Variants in SMAD5 observed in about 807,000 individuals in gnomAD.
SMAD5 encodes the protein MAD, mothers against decapentaplegic homolog 5.
A neutral mutation model predicts 43.1 loss-of-function variants in SMAD5; 9 were observed. That is an observed-to-expected ratio of 0.21 (90% CI 0.13 to 0.36). The LOEUF is 0.36. Among genes scored for constraint, SMAD5 ranks in the 10% least tolerant of loss-of-function variants. SMAD5 has a pLI of 1.00. For missense variants in SMAD5, 348 were observed against 574.0 expected (o/e 0.61, Z 4.02); for synonymous variants, 190 against 192.4 (o/e 0.99, Z 0.10).
chr5:136,171,602 C>T (rs953464382), intron 5 of SMAD5, among the ~76,000 whole-genome samples: 4 of 152,138 alleles, frequency 2.6e-5, no homozygotes, highest in Non-Finnish European at 5.9e-5. Context: ...GGAATGGGAA[C>T]GTCTATCCTG....
rs144973839 is a variant in SMAD5 at position 136,164,183 on chromosome 5, G to A, written c.775+792G>A. ...TGCACTCCAGTCTGAGCAACAGAGCGAGGCTCCATCTCAAAAAAACAAACA... is the reference window on the plus strand; with the variant it reads ...TGCACTCCAGTCTGAGCAACAGAGCAAGGCTCCATCTCAAAAAAACAAACA... On this transcript the variant is annotated intron_variant, in intron 5 of 7. Coordinates refer to ENST00000545279, the MANE Select transcript of SMAD5 (RefSeq NM_005903.7). Among the ~76,000 whole-genome samples the A allele has an allele frequency of 5.3e-3, 810 of 152,228 alleles. 9 individuals are homozygous for A. Among genetic ancestry groups the A allele is most frequent in the African/African-American group, 0.018 (750 of 41,510 alleles).
chr5:136,139,696 G>T (rs996980169), intron 1 of SMAD5, among the ~76,000 whole-genome samples: 3 of 151,894 alleles, frequency 2.0e-5, no homozygotes, highest in Non-Finnish European at 4.4e-5. Context: ...TACCAGCCAG[G>T]ATTTATTTAT....
In SMAD5 at chr5:136,160,982, T is replaced by A; in HGVS notation, c.530T>A (p.Phe177Tyr). Residue 177 changes from phenylalanine (F) to tyrosine (Y), a missense_variant, in exon 4 of 8, where the codon TTC (phenylalanine) becomes TAC (tyrosine). This residue lies in a region of SMAD5 where 185 missense variants were observed against 207.0 expected (regional missense o/e 0.89). Coordinates refer to ENST00000545279, the MANE Select transcript of SMAD5 (RefSeq NM_005903.7). ...CAAAATGCCACGTTTCCAGATTCTT[T>A]CCACCAGCCCAACAACACTCCTTTT... ...MPQNATFPDSFHQPNNTPFPL... is the reference protein window; with the variant it reads ...MPQNATFPDSYHQPNNTPFPL... The A allele has an allele frequency of 6.2e-7, 1 of 1,613,936 alleles. No homozygotes were observed. The highest frequency in any genetic ancestry group is 8.5e-7 in the Non-Finnish European group (1 of 1,179,876).
intron 7 of SMAD5, among the ~76,000 whole-genome samples, chr5:136,176,447 C>G (rs920199690): frequency 1.9e-5 from 2 of 105,352 alleles, no homozygotes; most frequent in African/African-American, 8.4e-5. Context: ...AAGAGAGAAA[C>G]TCTGTCTCAC....
In SMAD5 at chr5:136,137,050, TA is replaced by T. The variant is rs527850548; in HGVS notation, c.-245+4089del. Reference sequence around the variant, plus strand: ...TTTTTTTTTTTTTGCCTTGGGCAGCTAGGGGGGATGTTTTTGGCCCAGTTCT... The same window carrying T: ...TTTTTTTTTTTTTGCCTTGGGCAGCTGGGGGGATGTTTTTGGCCCAGTTCT... On this transcript the variant is annotated intron_variant, in intron 1 of 7. Coordinates refer to ENST00000545279, the MANE Select transcript of SMAD5 (RefSeq NM_005903.7). 5.0e-4 allele frequency among the ~76,000 whole-genome samples: 73 copies of T among 146,262 alleles called. 1 individual carries two copies. In the South Asian group the frequency reaches 9.5e-3, roughly 19 times the overall value.
At chr5:136,149,226 C>G (rs1016160240) in intron 2 of SMAD5, among the ~76,000 whole-genome samples, 1 of 151,866 alleles carries the variant, frequency 6.6e-6, no homozygotes, top group Non-Finnish European at 1.5e-5. Context: ...TTTACCCACT[C>G]TACTGCTGAT....
chr5:136,181,903 A>C lies in SMAD5; in HGVS notation c.*4423A>C, dbSNP rs370684971. On this transcript the variant is annotated 3_prime_UTR_variant, in exon 8 of 8. Coordinates refer to ENST00000545279, the MANE Select transcript of SMAD5 (RefSeq NM_005903.7). Reference sequence around the variant, plus strand: ...TTCTGTTTTGAAGAGCACATGCTATATAATAATTGCTAGTAGCAACTGCAG... The same window carrying C: ...TTCTGTTTTGAAGAGCACATGCTATCTAATAATTGCTAGTAGCAACTGCAG... 6.6e-6 allele frequency: 1 copy of C among 152,200 alleles called. No homozygotes were observed. Among genetic ancestry groups the C allele is most frequent in the Non-Finnish European group, 1.5e-5 (1 of 68,012 alleles). The allele number at this position is 152,200 out of a possible 1,614,324, so 9.4% of individuals were successfully genotyped here. A position where few individuals can be genotyped will look rare whatever the true frequency, so the allele number is the denominator to read the frequency against.
intron 1 of SMAD5, among the ~76,000 whole-genome samples, chr5:136,145,456 C>T (rs1222608575): frequency 6.6e-6 from 1 of 151,920 alleles, no homozygotes; most frequent in African/African-American, 2.4e-5. Context: ...TTCATACTTA[C>T]ATTCTTGATG....
chr5:136,165,662 A>ATATTTTTTTTTTTTTT lies in SMAD5; in HGVS notation c.775+2272_775+2273insATTTTTTTTTTTTTTT, dbSNP rs1561653930. 3.1e-5 allele frequency among the ~76,000 whole-genome samples: 2 copies of ATATTTTTTTTTTTTTT among 65,450 alleles called. 1 individual carries two copies. Among genetic ancestry groups the ATATTTTTTTTTTTTTT allele is most frequent in the South Asian group, 1.3e-3 (2 of 1,558 alleles). 42.9% of individuals were successfully genotyped at this position (65,450 alleles called of 152,430 possible). A position where few individuals can be genotyped will look rare whatever the true frequency, so the allele number is the denominator to read the frequency against. ...TACTTCATATAAATGGAATCATACAATTTTTTTTTTTTTTTTTTTTTTTTT... is the reference window on the plus strand; with the variant it reads ...TACTTCATATAAATGGAATCATACAATATTTTTTTTTTTTTTTTTTTTTTTTTTTTTTTTTTTTTTT... On this transcript the variant is annotated intron_variant, in intron 5 of 7. Coordinates refer to ENST00000545279, the MANE Select transcript of SMAD5 (RefSeq NM_005903.7).
chr5:136,178,426 TG>T lies in SMAD5; in HGVS notation c.*947del, dbSNP rs1382496327. 6.5e-6 allele frequency: 1 copy of T among 152,682 alleles called. No individual in the cohort carries two copies. Among genetic ancestry groups the T allele is most frequent in the African/African-American group, 2.4e-5 (1 of 41,478 alleles). 9.5% of individuals were successfully genotyped at this position (152,682 alleles called of 1,614,324 possible). ...ATCCTTACGTCCTTGGTACCTTTTT[TG>T]TATTAACAAACACTGCAATTTATAG... On this transcript the variant is annotated 3_prime_UTR_variant, in exon 8 of 8. Coordinates refer to ENST00000545279, the MANE Select transcript of SMAD5 (RefSeq NM_005903.7).
chr5:136,137,785 C>G (rs1197005663), intron 1 of SMAD5, among the ~76,000 whole-genome samples: 1 of 152,196 alleles, frequency 6.6e-6, no homozygotes, highest in Non-Finnish European at 1.5e-5. Flanking sequence ...TGAATGATGA[C>G]ACTAGAGCTG....
At chr5:136,146,896 C>G (rs4645328) in intron 1 of SMAD5, among the ~76,000 whole-genome samples, 54,508 of 151,202 alleles carry the variant, frequency 0.36, 10,807 homozygotes, top group African/African-American at 0.54. Flanking sequence ...TCTATATATT[C>G]GGGTGAGGGA....
intron 1 of SMAD5, among the ~76,000 whole-genome samples, chr5:136,147,020 T>C (rs1000141699): frequency 6.6e-6 from 1 of 151,650 alleles, no homozygotes; most frequent in Non-Finnish European, 1.5e-5. Flanking sequence ...GAAACAAATA[T>C]AAGCATACCA....
chr5:136,136,920 C>A (rs1348906625), intron 1 of SMAD5, among the ~76,000 whole-genome samples: 1 of 152,050 alleles, frequency 6.6e-6, no homozygotes, highest in African/African-American at 2.4e-5. Flanking sequence ...TGGTCTCGAA[C>A]TTCTGACCTC....
intron 1 of SMAD5, among the ~76,000 whole-genome samples, chr5:136,146,029 T>G (rs755682990): frequency 6.6e-6 from 1 of 151,946 alleles, no homozygotes; most frequent in Non-Finnish European, 1.5e-5. Flanking sequence ...TAGATAGTTA[T>G]GGGCACATTT....
chr5:136,163,428 T>A, intron 5 of SMAD5, 37 bp downstream of exon 5: 2 of 1,513,828 alleles, frequency 1.3e-6, no homozygotes, highest in Non-Finnish European at 8.9e-7. Flanking sequence ...TTTATAGTAG[T>A]AGTTGTTTTT....
intron 1 of SMAD5, among the ~76,000 whole-genome samples, chr5:136,137,253 C>G (rs1752915681): frequency 6.8e-6 from 1 of 147,738 alleles, no homozygotes; most frequent in Non-Finnish European, 1.5e-5. Context: ...CTAGGTTTTG[C>G]TCTTGAATTT....
Position 136,170,774 on chromosome 5 carries a change from T to C in SMAD5, c.776-1660T>C, listed in dbSNP as rs114474282. Among the ~76,000 whole-genome samples, 514 of 152,300 alleles carry C rather than the reference T, an allele frequency of 3.4e-3. 7 individuals carry two copies. Among genetic ancestry groups the C allele is most frequent in the African/African-American group, 0.011 (478 of 41,572 alleles). On this transcript the variant is annotated intron_variant, in intron 5 of 7. Coordinates refer to ENST00000545279, the MANE Select transcript of SMAD5 (RefSeq NM_005903.7). Reference sequence around the variant, plus strand: ...CATCAGAGTTTTGTAGTCTTCCTCATAGAGCATGTTCCTATTTTTTTATAT... The same window carrying C: ...CATCAGAGTTTTGTAGTCTTCCTCACAGAGCATGTTCCTATTTTTTTATAT...
In SMAD5 at chr5:136,135,086, G is replaced by A. The variant is rs1258454716; in HGVS notation, c.-245+2124G>A. Among the ~76,000 whole-genome samples the A allele has an allele frequency of 3.3e-5, 5 of 152,200 alleles. No homozygotes were observed. The East Asian group carries it at 5.8e-4, about 18-fold the overall frequency. On this transcript the variant is annotated intron_variant, in intron 1 of 7. Transcript: ENST00000545279. ...GCGTGTCTGGTTCACTGTGGTAGGC[G>A]CCACAGAAATGGGTAGATTGATAAT...
Sources: gnomAD v4.1 joint callset for allele counts (sites outside exome capture counted in the v4.1 genomes callset) on GRCh38, gnomAD v4.1.1 for gene constraint, gnomAD v4.1.1 regional missense constraint, MANE v1.5 for transcripts, NCBI Gene and HGNC (gene_info 2026-07-23, HGNC 2026-07-21) for gene names.